The following DAB2IP variants were observed in gnomAD, a reference collection of about 807,000 sequenced individuals.
DAB2IP encodes DAB2 interacting protein.
DAB2IP carries 28 observed loss-of-function variants against 107.2 expected under a neutral mutation model. The observed-to-expected ratio is 0.26, with a 90% CI of 0.19 to 0.36. The LOEUF (loss-of-function observed/expected upper bound fraction) is 0.36, where lower values mean the gene tolerates loss of function less well. Ranked by LOEUF, DAB2IP falls within the 10% of genes least tolerant of loss-of-function variation. DAB2IP has a pLI of 1.00. For synonymous variants in DAB2IP, 755 were observed against 706.4 expected (o/e 1.07, Z -1.09); for missense variants, 1,400 against 1,644.7 (o/e 0.85, Z 2.57).
chr9:121,743,632 C>T (rs1232655338), intron 3 of DAB2IP, among the ~76,000 whole-genome samples: 3 of 152,162 alleles, frequency 2.0e-5, no homozygotes, highest in Non-Finnish European at 2.9e-5. Flanking sequence ...CTAGGCTGGC[C>T]GGGGCCAGCC....
intron 3 of DAB2IP, among the ~76,000 whole-genome samples, chr9:121,748,293 G>A (rs1044059451): frequency 5.3e-5 from 8 of 152,200 alleles, no homozygotes. Context: ...GGAGAGGAAC[G>A]GGCCGTTGCT....
At chr9:121,674,686 C>T (rs531996357) in intron 1 of DAB2IP, among the ~76,000 whole-genome samples, 8 of 152,074 alleles carry the variant, frequency 5.3e-5, no homozygotes, top group Non-Finnish European at 1.0e-4. Flanking sequence ...GAGATTGGAC[C>T]AAGCAACCTC....
chr9:121,773,501 TGCTGCTAGTCAGAGGGCAGG>T lies in DAB2IP; in HGVS notation c.2967+11_2967+30del, dbSNP rs1480067587. 1.3e-6 allele frequency: 2 copies of T among 1,495,070 alleles called. No individual in the cohort carries two copies. The highest frequency in any genetic ancestry group is 1.8e-6 in the Non-Finnish European group (2 of 1,122,928). The allele number at this position is 1,495,070 out of a possible 1,614,324, so 92.6% of individuals were successfully genotyped here. ...CACGGGCAGTGCACAAGCAGGTCAGTGCTGCTAGTCAGAGGGCAGGGCTGGGCACTTGGGCCCAGCTGGGG... is the reference window on the plus strand; with the variant it reads ...CACGGGCAGTGCACAAGCAGGTCAGTGCTGGGCACTTGGGCCCAGCTGGGG... On this transcript the variant is annotated splice_region_variant and intron_variant, in intron 12 of 15. Transcript: ENST00000408936.
intron 1 of DAB2IP, among the ~76,000 whole-genome samples, chr9:121,643,360 C>T (rs1366733005): frequency 6.6e-6 from 1 of 152,028 alleles, no homozygotes; most frequent in African/African-American, 2.4e-5. Flanking sequence ...ATCTAAGCCT[C>T]AAGCCCAGAT....
At chr9:121,656,924 A>G (rs1301946830) in intron 1 of DAB2IP, among the ~76,000 whole-genome samples, 1 of 152,162 alleles carries the variant, frequency 6.6e-6, no homozygotes, top group Admixed American at 6.5e-5. Flanking sequence ...AGACCTTTCT[A>G]AGGTCAGGCC....
intron 1 of DAB2IP, among the ~76,000 whole-genome samples, chr9:121,673,805 C>T (rs772376235): frequency 6.6e-6 from 1 of 152,054 alleles, no homozygotes; most frequent in Non-Finnish European, 1.5e-5. Context: ...ACTCTGCCCT[C>T]GATGTTCAGT....
At chr9:121,655,962 A>AGG (rs1030038503) in intron 1 of DAB2IP, among the ~76,000 whole-genome samples, 12 of 151,322 alleles carry the variant, frequency 7.9e-5, no homozygotes, top group African/African-American at 2.9e-4. Context: ...CAGTTAGGTA[A>AGG]GGACCTGTGT....
At chr9:121,670,692 CCTT>C (rs1179757236) in intron 1 of DAB2IP, among the ~76,000 whole-genome samples, 1 of 152,210 alleles carries the variant, frequency 6.6e-6, no homozygotes, top group African/African-American at 2.4e-5. Context: ...CTCTGACTCA[CCTT>C]CTTGCTTCCC....
intron 1 of DAB2IP, among the ~76,000 whole-genome samples, chr9:121,588,144 C>A (rs562554671): frequency 5.9e-5 from 9 of 152,280 alleles, no homozygotes; most frequent in African/African-American, 2.2e-4. Flanking sequence ...ATCTACCCAT[C>A]CCCTTAGCGG....
At chr9:121,573,932 C>T (rs376635684) in intron 1 of DAB2IP, among the ~76,000 whole-genome samples, 5 of 152,088 alleles carry the variant, frequency 3.3e-5, no homozygotes, top group African/African-American at 9.7e-5. Flanking sequence ...TCCTCTCTCC[C>T]GGGGAGCGTT....
At position 121,742,795 on chromosome 9, in the gene DAB2IP, C is replaced by T. The variant is rs548490294; in HGVS notation, c.363-14218C>T. The T allele has an allele frequency of 4.3e-5, 42 of 985,588 alleles. No homozygotes were observed. In the South Asian group the frequency reaches 5.2e-4, roughly 12 times the overall value. 61.1% of individuals were successfully genotyped at this position (985,588 alleles called of 1,614,324 possible). A position where few individuals can be genotyped will look rare whatever the true frequency, so the allele number is the denominator to read the frequency against. On this transcript the variant is annotated intron_variant, in intron 3 of 15. Coordinates refer to ENST00000408936, the Ensembl canonical transcript of DAB2IP. ...TTCACCTTCCCCTAGTGTTCCTCTT[C>T]TTTCGTGTTGTGTCAGAAGCCATGA...
At chr9:121,700,978 C>T (rs1281985941) in intron 3 of DAB2IP, among the ~76,000 whole-genome samples, 1 of 152,232 alleles carries the variant, frequency 6.6e-6, no homozygotes, top group Non-Finnish European at 1.5e-5. Flanking sequence ...ATTGTCTGGG[C>T]GGCAGGCCAC....
chr9:121,758,772 C>G (rs1833668361), intron 4 of DAB2IP, 126 bp from the exon 5 acceptor site: 2 of 782,886 alleles, frequency 2.6e-6, no homozygotes, highest in African/African-American at 1.7e-5. Context: ...TGTCCTGGCT[C>G]CTTCCTGAAG....
rs1419689138 is a variant in DAB2IP, at chr9:121,651,596, G to A, written c.-180G>A. On this transcript the variant is annotated 5_prime_UTR_variant, in exon 1 of 16. Coordinates refer to ENST00000408936, the Ensembl canonical transcript of DAB2IP. This position sits in a 1 kb window ranked among gnomAD's most constrained non-coding sequence, Gnocchi z 5.1. ...CCCGCCGCGGGGCCGGCTGCTCGGG[G>A]AGCGGGAGGGGGCAGGAGGCGGAGG... The A allele has an allele frequency of 2.0e-6, 2 of 983,270 alleles. No homozygotes were observed. Among genetic ancestry groups the A allele is most frequent in the African/African-American group, 3.5e-5 (2 of 57,376 alleles). The allele number at this position is 983,270 out of a possible 1,614,324, so 60.9% of individuals were successfully genotyped here. A position where few individuals can be genotyped will look rare whatever the true frequency, so the allele number is the denominator to read the frequency against.
intron 3 of DAB2IP, among the ~76,000 whole-genome samples, chr9:121,747,601 C>T (rs1482036055): frequency 6.6e-6 from 1 of 152,124 alleles, no homozygotes; most frequent in Non-Finnish European, 1.5e-5. Flanking sequence ...CCTGCCTCGG[C>T]CTCCCAAAGT....
chr9:121,638,706 A>G lies in DAB2IP; in HGVS notation c.41-39972A>G, dbSNP rs1832174012. On this transcript the variant is annotated intron_variant, in intron 1 of 16. Coordinates refer to the DAB2IP transcript ENST00000259371. ...CTCTGGCTGTTTTATGGAGAACCACACTGAGGAGGCAGCGGAGGATTTGGG... is the reference window on the plus strand; with the variant it reads ...CTCTGGCTGTTTTATGGAGAACCACGCTGAGGAGGCAGCGGAGGATTTGGG... Among the ~76,000 whole-genome samples the G allele has an allele frequency of 2.0e-5, 3 of 151,980 alleles. No homozygotes were observed. The South Asian group carries it at 6.2e-4, about 32-fold the overall frequency.
chr9:121,700,074 C>A (rs748130619), intron 3 of DAB2IP, among the ~76,000 whole-genome samples: 63 of 152,202 alleles, frequency 4.1e-4, no homozygotes, highest in Non-Finnish European at 8.2e-4. Flanking sequence ...GGCTGGGGAG[C>A]CAGGGCCATC....
At chr9:121,774,355 A>AGACCCC (rs1835025742) in exon 13 of DAB2IP, 1 of 1,612,806 alleles carries the variant, frequency 6.2e-7, no homozygotes, top group Non-Finnish European at 8.5e-7. Context: ...GCCTGGGCCC[A>AGACCCC]GACCCCCCCC....
intron 1 of DAB2IP, among the ~76,000 whole-genome samples, chr9:121,609,453 A>G (rs1831010164): frequency 6.6e-6 from 1 of 151,942 alleles, no homozygotes; most frequent in African/African-American, 2.4e-5. Context: ...TCTCACTTCC[A>G]TCCCTCCCGC....
Sources: allele counts gnomAD v4.1 joint callset (sites outside exome capture counted in the v4.1 genomes callset), GRCh38; gene constraint gnomAD v4.1.1; non-coding constraint Gnocchi (gnomAD v3.1); transcripts MANE v1.5; gene names NCBI Gene and HGNC (gene_info 2026-07-23, HGNC 2026-07-21).